The following IGFN1 variants were observed in gnomAD, a reference collection of about 807,000 sequenced individuals.
The protein encoded by IGFN1 is immunoglobulin-like and fibronectin type III domain-containing protein 1.
Under a neutral mutation model 289.5 loss-of-function variants are expected in IGFN1, and 253 were observed. The observed-to-expected ratio is 0.87, with a 90% confidence interval of 0.79 to 0.97. The LOEUF (loss-of-function observed/expected upper bound fraction) is 0.97. Among genes scored for constraint, IGFN1 ranks in the 50% least tolerant of loss-of-function variants. IGFN1 has a pLI of 0.00. For missense variants in IGFN1, 4,470 were observed against 4,686.1 expected (o/e 0.95, Z 1.35); for synonymous variants, 1,706 against 1,788.5 (o/e 0.95, Z 1.16).
At chr1:201,191,786 G>A (rs1666667917) in intron 1 of IGFN1, among the ~76,000 whole-genome samples, 1 of 152,144 alleles carries the variant, frequency 6.6e-6, no homozygotes, top group African/African-American at 2.4e-5. Context: ...GAGGCTGGAG[G>A]GAGAAGAGTG....
At chr1:201,227,272 C>T (rs552639827) in intron 23 of IGFN1, 64 bp downstream of exon 23, 306 of 1,357,468 alleles carry the variant, frequency 2.3e-4, no homozygotes, top group Non-Finnish European at 2.9e-4. Context: ...ACCTGCCTGT[C>T]AGGGAGGCTC....
At chr1:201,216,361 G>T (rs865914271) in intron 15 of IGFN1, 93 bp from the exon 16 acceptor site, 20 of 956,214 alleles carry the variant, frequency 2.1e-5, no homozygotes, top group African/African-American at 6.9e-5. Context: ...GGGTGGGGGG[G>T]AGTCGGGGTG....
rs1667933405 is a variant in IGFN1, at chr1:201,213,406, C to T, written c.8513C>T (p.Ala2838Val). Reference protein sequence around the residue: ...GGGKRRGADEAGSMGWQPMGE... With the variant: ...GGGKRRGADEVGSMGWQPMGE... ...GGAAAGAGAAGGGGAGCAGACGAGG[C>T]TGGAAGCATGGGGTGGCAGCCTATG... The change falls in exon 12 of 24, where the codon GCT becomes GTT. Residue 2838 changes from alanine (A) to valine (V), a missense_variant. This residue lies in a region of IGFN1 where 2,218 missense variants were observed against 2,114.1 expected (regional missense o/e 1.05). Coordinates refer to ENST00000335211, the MANE Select transcript of IGFN1 (RefSeq NM_001164586.2). 6.2e-7 allele frequency: 1 copy of T among 1,613,990 alleles called. No individual in the cohort carries two copies. Among genetic ancestry groups the T allele is most frequent in the Non-Finnish European group, 8.5e-7 (1 of 1,179,942 alleles).
chr1:201,191,093 C>T (rs1666640747), intron 1 of IGFN1, among the ~76,000 whole-genome samples, 186 bp downstream of exon 1: 2 of 152,196 alleles, frequency 1.3e-5, no homozygotes. Flanking sequence ...TAGGTTACTC[C>T]AGGATATCTG....
At chr1:201,216,894 T>G (rs1653343910) in intron 16 of IGFN1, 141 bp downstream of exon 16, 1 of 666,924 alleles carries the variant, frequency 1.5e-6, no homozygotes, top group African/African-American at 1.8e-5. Context: ...CTCTGGAGAC[T>G]CCTTCCCTCA....
chr1:201,217,156 GCCCCGACACTCA>G, intron 16 of IGFN1, 119 bp from the exon 17 acceptor site: 1 of 793,858 alleles, frequency 1.3e-6, no homozygotes, highest in Non-Finnish European at 2.0e-6. Flanking sequence ...GGCTGCCTCA[GCCCCGACACTCA>G]CCAGGACAGG....
rs952130227 is a variant in IGFN1, at chr1:201,218,598, C to T, written c.9838C>T (p.Pro3280Ser). The change falls in exon 18 of 24, where the codon CCC (proline) becomes TCC (serine). Residue 3280 changes from proline to serine, a missense_variant. By Grantham distance (74) the Pro-to-Ser change is moderately conservative. Around this residue, in one of 8 missense-constraint regions of IGFN1, gnomAD observed 2,218 missense variants for 2,114.1 expected, o/e 1.05. Transcript: ENST00000335211. ...TGAGTTCCGGGTCACAGCTGTGGCT[C>T]CCTCAGGTCCCGGAGAGCCTGGACC... ...QYEFRVTAVA[P>S]SGPGEPGPPS... is the part of the protein sequence containing the mutation. 13 of 1,612,814 alleles carry T rather than the reference C, an allele frequency of 8.1e-6. No homozygotes were observed. Among genetic ancestry groups the T allele is most frequent in the African/African-American group, 1.3e-5 (1 of 75,026 alleles).
rs978616213 is a variant in IGFN1, at chr1:201,208,103, G to C, written c.3210G>C (p.Gly1070=). The change falls in exon 12 of 24, where the codon GGG becomes GGC. Residue 1070 remains glycine, a synonymous_variant. Transcript: ENST00000335211. ...AGGCAGGCATGGACCCTAGGGGAGG[G>C]CACCATTCAGATGGTGGCCTAGGGA... ...ACQAGMDPRG[G]HHSDGGLGSP... The C allele has an allele frequency of 6.5e-7, 1 of 1,536,884 alleles. No individual in the cohort carries two copies. Among genetic ancestry groups the C allele is most frequent in the Non-Finnish European group, 8.7e-7 (1 of 1,146,780 alleles).
At position 201,207,977 on chromosome 1, in the gene IGFN1, T is replaced by C. The variant is rs1035693674; in HGVS notation, c.3084T>C (p.Pro1028=). The change falls in exon 12 of 24, where the codon CCT becomes CCC. Residue 1028 remains proline (P), a synonymous_variant. Transcript: ENST00000335211. ...GGTCTGGAAATGAAGATTCTGGCCC[T>C]GCAGGAGGAGGGTCTGGGAGAGTTG... ...GVWSGNEDSG[P]AGGGSGRVAS... The C allele has an allele frequency of 6.5e-7, 1 of 1,536,764 alleles. No individual in the cohort carries two copies.
chr1:201,212,523 G>A lies in IGFN1; in HGVS notation c.7630G>A (p.Ala2544Thr), dbSNP rs1279912914. The A allele has an allele frequency of 6.5e-7, 1 of 1,547,136 alleles. No individual in the cohort carries two copies. The highest frequency in any genetic ancestry group is 2.0e-5 in the Admixed American group (1 of 50,990). ...VEGETWAGMAALGSGYERDIW... is the reference protein window; with the variant it reads ...VEGETWAGMATLGSGYERDIW... Reference sequence around the variant, plus strand: ...AGGTGAGACCTGGGCAGGAATGGCTGCTCTAGGGTCTGGATATGAACGGGA... The same window carrying A: ...AGGTGAGACCTGGGCAGGAATGGCTACTCTAGGGTCTGGATATGAACGGGA... The change falls in exon 12 of 24, where the codon GCT becomes ACT. Residue 2544 changes from alanine (A) to threonine (T), a missense_variant. Physicochemically the swap from Ala to Thr is moderately conservative, Grantham distance 58. This residue lies in a region of IGFN1 where 2,218 missense variants were observed against 2,114.1 expected (regional missense o/e 1.05). Coordinates refer to ENST00000335211, the MANE Select transcript of IGFN1 (RefSeq NM_001164586.2).
chr1:201,199,323 G>A lies in IGFN1; in HGVS notation c.368-11G>A. 1 of 1,551,860 alleles carries A rather than the reference G, an allele frequency of 6.4e-7. No homozygotes were observed. Among genetic ancestry groups the A allele is most frequent in the Non-Finnish European group, 8.7e-7 (1 of 1,146,882 alleles). On this transcript the variant is annotated splice_polypyrimidine_tract_variant and intron_variant, in intron 5 of 23. Transcript: ENST00000335211. ...ACATCGACTCCTTCCTCTCCTCCCT[G>A]GATGTTGCAGTTGGCTTTCGGAAGA...
chr1:201,214,048 A>T, intron 12 of IGFN1, 129 bp from the exon 13 acceptor site: 2 of 900,910 alleles, frequency 2.2e-6, no homozygotes, highest in Non-Finnish European at 3.2e-6. Flanking sequence ...AAGATAGCAT[A>T]GGTGCTGGGA....
Position 201,216,690 on chromosome 1 carries a change from G to T in IGFN1, c.9532G>T (p.Ala3178Ser). 2 of 1,613,956 alleles carry T rather than the reference G, an allele frequency of 1.2e-6. No individual in the cohort carries two copies. The highest frequency in any genetic ancestry group is 1.7e-6 in the Non-Finnish European group (2 of 1,179,956). The change falls in exon 16 of 24, where the codon GCT becomes TCT. Residue 3178 changes from alanine (A) to serine (S), a missense_variant. Ala to Ser is a moderately conservative substitution (Grantham distance 99). Coordinates refer to ENST00000335211, the MANE Select transcript of IGFN1 (RefSeq NM_001164586.2). ...CAGGAAGTATACCTTCCGAGTGCGG[G>T]CTGTGACCTCAGAGGGGGCTGGCGA... ...PGRKYTFRVR[A>S]VTSEGAGEAL...
intron 22 of IGFN1, 150 bp from the exon 23 acceptor site, chr1:201,226,732 C>A (rs1654120352): frequency 1.3e-5 from 9 of 670,098 alleles, no homozygotes; most frequent in South Asian, 2.1e-5. Context: ...ATGAGGCAAG[C>A]CTTGGGGTCC....
Position 201,228,587 on chromosome 1 carries a change from G to T in IGFN1, c.*188G>T. 1 of 648,954 alleles carries T rather than the reference G, an allele frequency of 1.5e-6. No homozygotes were observed. 40.2% of individuals were successfully genotyped at this position (648,954 alleles called of 1,614,324 possible). A position where few individuals can be genotyped will look rare whatever the true frequency, so the allele number is the denominator to read the frequency against. Reference sequence around the variant, plus strand: ...CTTGGGGAAGAAAAACAAGGGAGGAGGGCATTCCACCTCCTGGCTCCAAGC... The same window carrying T: ...CTTGGGGAAGAAAAACAAGGGAGGATGGCATTCCACCTCCTGGCTCCAAGC... On this transcript the variant is annotated 3_prime_UTR_variant, in exon 24 of 24. Transcript: ENST00000335211.
intron 1 of IGFN1, among the ~76,000 whole-genome samples, chr1:201,191,730 A>G (rs1446956512): frequency 1.3e-5 from 2 of 152,126 alleles, no homozygotes; most frequent in Non-Finnish European, 2.9e-5. Flanking sequence ...AAGTTCCCCC[A>G]AGAGCTTTGC....
rs759873397 is a variant in IGFN1 at position 201,215,646 on chromosome 1, A to G, written c.9103A>G (p.Ile3035Val). Reference sequence around the variant, plus strand: ...GATCCCCTTCCAGAGCCACCTCCCCATTCAGGCTGCCTGGAGGAAGGACGG... The same window carrying G: ...GATCCCCTTCCAGAGCCACCTCCCCGTTCAGGCTGCCTGGAGGAAGGACGG... ...VKIPFQSHLP[I>V]QAAWRKDGAE... Residue 3035 changes from isoleucine (I) to valine (V), a missense_variant, in exon 15 of 24, where the codon ATT (isoleucine) becomes GTT (valine). Coordinates refer to ENST00000335211, the MANE Select transcript of IGFN1 (RefSeq NM_001164586.2). The G allele has an allele frequency of 4.3e-6, 7 of 1,614,006 alleles. No individual in the cohort carries two copies. Among genetic ancestry groups the G allele is most frequent in the Non-Finnish European group, 2.5e-6 (3 of 1,179,956 alleles).
chr1:201,204,888 C>T (rs1047914834), intron 10 of IGFN1, among the ~76,000 whole-genome samples, 194 bp from the exon 11 acceptor site: 1 of 152,190 alleles, frequency 6.6e-6, no homozygotes, highest in Admixed American at 6.5e-5. Context: ...AGCCTCATTG[C>T]TCATAACTGT....
rs1558163951 is a variant in IGFN1 at position 201,227,031 on chromosome 1, A to G, written c.10936A>G (p.Thr3646Ala). The G allele has an allele frequency of 2.5e-6, 4 of 1,613,534 alleles. No homozygotes were observed. Among genetic ancestry groups the G allele is most frequent in the Non-Finnish European group, 2.5e-6 (3 of 1,180,022 alleles). Reference sequence around the variant, plus strand: ...GCAGGGCTCGCCCCGGCCCCACGTCACCTGGTTCAAGAATGACCGCAGCCT... The same window carrying G: ...GCAGGGCTCGCCCCGGCCCCACGTCGCCTGGTTCAAGAATGACCGCAGCCT... ...AVQGSPRPHV[T>A]WFKNDRSLEG... The change falls in exon 23 of 24, where the codon ACC (threonine) becomes GCC (alanine). Residue 3646 changes from threonine to alanine, a missense_variant. By Grantham distance (58) the Thr-to-Ala change is moderately conservative. Around this residue, in one of 8 missense-constraint regions of IGFN1, gnomAD observed 2,218 missense variants for 2,114.1 expected, o/e 1.05. Transcript: ENST00000335211.
Sources: gnomAD v4.1 joint callset for allele counts (sites outside exome capture counted in the v4.1 genomes callset) on GRCh38, gnomAD v4.1.1 for gene constraint, gnomAD v4.1.1 regional missense constraint, MANE v1.5 for transcripts, NCBI Gene and HGNC (gene_info 2026-07-23, HGNC 2026-07-21) for gene names.